Variants in NRXN1 observed in about 807,000 individuals in gnomAD.
NRXN1 encodes neurexin 1, also known as neurexin-1.
Under a neutral mutation model 150.9 loss-of-function variants are expected in NRXN1, and 39 were observed. The ratio of observed to expected loss-of-function variants is 0.26; its 90% confidence interval spans 0.20 to 0.34. The LOEUF (loss-of-function observed/expected upper bound fraction) is 0.34, where lower values mean the gene tolerates loss of function less well. NRXN1 is among the 10% of genes least tolerant of loss of function. The pLI is 1.00. For missense variants in NRXN1, 1,815 were observed against 1,949.9 expected (o/e 0.93, Z 1.30); for synonymous variants, 924 against 757.0 (o/e 1.22, Z -3.62).
chr2:50,014,633 A>C (rs1686266993), intron 21 of NRXN1, among the ~76,000 whole-genome samples: 1 of 152,166 alleles, frequency 6.6e-6, no homozygotes, highest in Non-Finnish European at 1.5e-5. Context: ...GTTTCAGTTA[A>C]ATTTCATTAA....
chr2:50,457,214 A>G (rs911000785), intron 17 of NRXN1, among the ~76,000 whole-genome samples: 3 of 152,134 alleles, frequency 2.0e-5, no homozygotes, highest in Non-Finnish European at 4.4e-5. Context: ...GTGCCAACTG[A>G]GCAGTTGAGG....
At chr2:50,286,181 A>C (rs2072137976) in intron 17 of NRXN1, among the ~76,000 whole-genome samples, 1 of 152,104 alleles carries the variant, frequency 6.6e-6, no homozygotes, top group African/African-American at 2.4e-5. Flanking sequence ...TCAAGAACAC[A>C]ATGTATTGTT....
Position 50,572,927 on chromosome 2 carries a change from C to T in NRXN1, c.1321-19902G>A, listed in dbSNP as rs556958426. Among the ~76,000 whole-genome samples the T allele has an allele frequency of 4.6e-5, 7 of 152,228 alleles. No homozygotes were observed. In the South Asian group the frequency reaches 1.4e-3, roughly 32 times the overall value. ...TGAATTTGAGCAAGTATCTTTATTG[C>T]TTTTTCATCTGTTCAGTCAGGATAA... On this transcript the variant is annotated intron_variant, in intron 8 of 22. Coordinates refer to ENST00000401669, the MANE Select transcript of NRXN1 (RefSeq NM_001330078.2).
At chr2:50,310,347 T>C (rs1320631608) in intron 17 of NRXN1, among the ~76,000 whole-genome samples, 1 of 152,184 alleles carries the variant, frequency 6.6e-6, no homozygotes, top group African/African-American at 2.4e-5. Context: ...GTTGCAATAC[T>C]GTAAAAGGAG....
chr2:50,148,913 C>T (rs1303206967), intron 18 of NRXN1, among the ~76,000 whole-genome samples: 1 of 151,704 alleles, frequency 6.6e-6, no homozygotes, highest in Non-Finnish European at 1.5e-5. Context: ...TCTACATCTA[C>T]CTTTCTTTTG....
intron 5 of NRXN1, among the ~76,000 whole-genome samples, chr2:50,770,149 T>C (rs182890582): frequency 1.0e-3 from 155 of 152,186 alleles, no homozygotes; most frequent in Middle Eastern, 3.4e-3. Context: ...AATAACATTA[T>C]AATAATATTG....
intron 17 of NRXN1, among the ~76,000 whole-genome samples, chr2:50,395,807 G>A (rs1312050556): frequency 6.6e-6 from 1 of 152,128 alleles, no homozygotes; most frequent in Non-Finnish European, 1.5e-5. Context: ...CAGCTGTTAA[G>A]TGGAGGTGAA....
chr2:50,457,493 A>G (rs1222877546), intron 17 of NRXN1, among the ~76,000 whole-genome samples: 1 of 152,142 alleles, frequency 6.6e-6, no homozygotes, highest in Non-Finnish European at 1.5e-5. Context: ...TAAAATATTC[A>G]TACCTCACAA....
At chr2:50,373,638 G>GA (rs1268750314) in intron 17 of NRXN1, among the ~76,000 whole-genome samples, 4 of 77,556 alleles carry the variant, frequency 5.2e-5, no homozygotes, top group Admixed American at 4.1e-4. Context: ...AAGAAAGAAA[G>GA]AAAGAAAGAA....
chr2:50,603,635 C>A (rs988870249), intron 8 of NRXN1, among the ~76,000 whole-genome samples: 6 of 151,976 alleles, frequency 3.9e-5, no homozygotes, highest in Non-Finnish European at 7.4e-5. Flanking sequence ...GCTGGGACCC[C>A]TTTGGCTAGA....
intron 2 of NRXN1, among the ~76,000 whole-genome samples, chr2:50,972,778 G>A (rs962148215): frequency 6.6e-6 from 1 of 152,108 alleles, no homozygotes; most frequent in Non-Finnish European, 1.5e-5. Context: ...TGCTGCCACT[G>A]ATCTGACAGG....
intron 18 of NRXN1, among the ~76,000 whole-genome samples, chr2:50,164,800 T>C (rs1224359583): frequency 6.6e-6 from 1 of 152,178 alleles, no homozygotes; most frequent in Non-Finnish European, 1.5e-5. Flanking sequence ...ACAGAGGTTG[T>C]GTTCTCCGTT....
intron 21 of NRXN1, among the ~76,000 whole-genome samples, chr2:49,984,863 T>C (rs956087207): frequency 1.3e-5 from 2 of 152,208 alleles, no homozygotes; most frequent in African/African-American, 4.8e-5. Flanking sequence ...CATGTCCACC[T>C]AAGGACACAC....
chr2:51,023,485 G>T (rs1026280389), intron 2 of NRXN1, among the ~76,000 whole-genome samples: 4 of 152,090 alleles, frequency 2.6e-5, no homozygotes, highest in South Asian at 2.1e-4. Flanking sequence ...CTTTTCCTCT[G>T]CCTTAATTTG....
intron 5 of NRXN1, among the ~76,000 whole-genome samples, chr2:50,737,800 T>C (rs1266198048): frequency 6.6e-6 from 1 of 152,062 alleles, no homozygotes; most frequent in East Asian, 1.9e-4. Flanking sequence ...TGACCGAAGA[T>C]TTCATTATAA....
intron 5 of NRXN1, among the ~76,000 whole-genome samples, chr2:50,847,665 C>T (rs1673868209): frequency 6.6e-6 from 1 of 152,178 alleles, no homozygotes; most frequent in Non-Finnish European, 1.5e-5. Context: ...CCCTGAGGAG[C>T]ACATCAGCAG....
At chr2:50,720,527 C>T (rs549077259) in intron 5 of NRXN1, among the ~76,000 whole-genome samples, 1 of 152,214 alleles carries the variant, frequency 6.6e-6, no homozygotes, top group African/African-American at 2.4e-5. Flanking sequence ...AAATGCAGTG[C>T]CTGAAACAGG....
intron 8 of NRXN1, among the ~76,000 whole-genome samples, chr2:50,613,493 G>A (rs1678523837): frequency 6.6e-6 from 1 of 152,188 alleles, no homozygotes; most frequent in East Asian, 1.9e-4. Flanking sequence ...TAATATAAAA[G>A]TTAGCCTGTA....
At chr2:50,024,569 G>T (rs1688005173) in intron 21 of NRXN1, among the ~76,000 whole-genome samples, 1 of 152,032 alleles carries the variant, frequency 6.6e-6, no homozygotes, top group Admixed American at 6.6e-5. Flanking sequence ...TGAGTGCAGA[G>T]AATCAGGTTT....
Sources: gnomAD v4.1 joint callset for allele counts (sites outside exome capture counted in the v4.1 genomes callset) on GRCh38, gnomAD v4.1.1 for gene constraint, MANE v1.5 for transcripts, NCBI Gene and HGNC (gene_info 2026-07-23, HGNC 2026-07-21) for gene names.